TRAK1: variants seen among roughly 807,000 people sequenced by gnomAD.
TRAK1 encodes the protein trafficking kinesin-binding protein 1.
A neutral mutation model predicts 92.1 loss-of-function variants in TRAK1; 33 were observed. The ratio of observed to expected loss-of-function variants is 0.36; its 90% CI spans 0.27 to 0.48. TRAK1 has a LOEUF of 0.48. Among genes scored for constraint, TRAK1 ranks in the 20% least tolerant of loss-of-function variants. The probability of loss-of-function intolerance (pLI) is 0.99; values close to 1 mark genes in which losing one functional copy is unlikely to be tolerated. For missense variants in TRAK1, 1,123 were observed against 1,257.9 expected (o/e 0.89, Z 1.62); for synonymous variants, 521 against 517.3 (o/e 1.01, Z -0.10).
At chr3:42,135,590 A>T (rs1225115518) in intron 2 of TRAK1, among the ~76,000 whole-genome samples, 1 of 152,178 alleles carries the variant, frequency 6.6e-6, no homozygotes, top group Non-Finnish European at 1.5e-5. Context: ...AACCAAAAAA[A>T]CATGAAAAGT....
At chr3:42,187,918 T>C in intron 4 of TRAK1, 127 bp from the exon 5 acceptor site, 1 of 773,198 alleles carries the variant, frequency 1.3e-6, no homozygotes, top group Admixed American at 1.9e-5. Flanking sequence ...TCAGTTTAAA[T>C]GCTTTCACTT....
At chr3:42,022,068 A>G (rs1014965042) in intron 1 of TRAK1, among the ~76,000 whole-genome samples, 1 of 152,204 alleles carries the variant, frequency 6.6e-6, no homozygotes, top group Non-Finnish European at 1.5e-5. Flanking sequence ...TGACAGTAAC[A>G]GGAATAGCCC....
chr3:42,146,523 C>A (rs1289542210), intron 2 of TRAK1, among the ~76,000 whole-genome samples: 1 of 152,106 alleles, frequency 6.6e-6, no homozygotes, highest in Non-Finnish European at 1.5e-5. Context: ...TCATGTGATG[C>A]TTTGAGGAGT....
At chr3:42,217,538 C>T in intron 14 of TRAK1, 3 of 985,302 alleles carry the variant, frequency 3.0e-6, no homozygotes, top group Non-Finnish European at 3.6e-6. Context: ...ATTGAAGATC[C>T]AATATGTAAG....
chr3:42,224,853 C>T lies in TRAK1; in HGVS notation c.*1116C>T, dbSNP rs1246947332. On this transcript the variant is annotated 3_prime_UTR_variant, in exon 16 of 16. Coordinates refer to ENST00000327628, the MANE Select transcript of TRAK1 (RefSeq NM_001042646.3). ...CCGAGGCTGGCCAGGGTGCTGTCACCATGCGGTCTTTGATTGCAGCCATTC... is the reference window on the plus strand; with the variant it reads ...CCGAGGCTGGCCAGGGTGCTGTCACTATGCGGTCTTTGATTGCAGCCATTC... The T allele has an allele frequency of 1.3e-5, 2 of 152,224 alleles. No individual in the cohort carries two copies. The highest frequency in any genetic ancestry group is 2.4e-5 in the African/African-American group (1 of 41,440). The allele number at this position is 152,224 out of a possible 1,614,324, so 9.4% of individuals were successfully genotyped here.
At chr3:42,153,225 G>A (rs546780708) in intron 2 of TRAK1, among the ~76,000 whole-genome samples, 15 of 152,014 alleles carry the variant, frequency 9.9e-5, no homozygotes, top group Non-Finnish European at 2.2e-4. Context: ...GTAACATGGT[G>A]ACATCCTGTC....
chr3:42,085,565 C>G (rs1211143087), upstream of TRAK1, among the ~76,000 whole-genome samples: 4 of 152,196 alleles, frequency 2.6e-5, no homozygotes, highest in African/African-American at 9.7e-5. Flanking sequence ...GGTAAATAAA[C>G]CTGTTGGGAA....
Position 42,195,048 on chromosome 3 carries a change from C to T in TRAK1, c.1113+107C>T, listed in dbSNP as rs994305186. 5.1e-6 allele frequency: 7 copies of T among 1,382,522 alleles called. No homozygotes were observed. The East Asian group carries it at 7.5e-5, about 15-fold the overall frequency. 85.6% of individuals were successfully genotyped at this position (1,382,522 alleles called of 1,614,324 possible). A position where few individuals can be genotyped will look rare whatever the true frequency, so the allele number is the denominator to read the frequency against. On this transcript the variant is annotated intron_variant, in intron 10 of 15. Coordinates refer to ENST00000327628, the MANE Select transcript of TRAK1 (RefSeq NM_001042646.3). ...AGTTGGGTGTTCACAGTTCGCTTCT[C>T]GTTGTACAGTTCAGATCTGAGTCTG... is the stretch of plus-strand genomic sequence containing the variant.
intron 2 of TRAK1, among the ~76,000 whole-genome samples, chr3:42,131,907 A>T (rs1054909682): frequency 1.7e-4 from 7 of 40,848 alleles, no homozygotes; most frequent in East Asian, 6.4e-4. Flanking sequence ...AAAATTAAAA[A>T]AAAAAAAAAA....
At chr3:42,030,480 C>T (rs931319854) in intron 1 of TRAK1, among the ~76,000 whole-genome samples, 2 of 150,166 alleles carry the variant, frequency 1.3e-5, no homozygotes, top group African/African-American at 4.9e-5. Flanking sequence ...CAAGACCAGC[C>T]TGCCCAACGT....
chr3:42,052,908 C>T (rs1175877617), intron 1 of TRAK1, among the ~76,000 whole-genome samples: 2 of 152,082 alleles, frequency 1.3e-5, no homozygotes, highest in African/African-American at 4.8e-5. Context: ...GCGTAGTCCC[C>T]GAAGAAGTCA....
chr3:42,074,369 C>T (rs1338582224), intron 1 of TRAK1, among the ~76,000 whole-genome samples: 1 of 152,192 alleles, frequency 6.6e-6, no homozygotes. Context: ...GGTCTCATCA[C>T]CTTCTACGCA....
At chr3:42,157,701 C>T (rs1700729108) in intron 2 of TRAK1, among the ~76,000 whole-genome samples, 1 of 152,044 alleles carries the variant, frequency 6.6e-6, no homozygotes, top group Non-Finnish European at 1.5e-5. Context: ...AATATGAAGA[C>T]TCAGAAATTG....
Position 42,128,594 on chromosome 3 carries a change from A to C in TRAK1, c.286+2980A>C, listed in dbSNP as rs76758802. Among the ~76,000 whole-genome samples, 910 of 152,316 alleles carry C rather than the reference A, an allele frequency of 6.0e-3. 32 individuals are homozygous for C. In the East Asian group the frequency reaches 0.11, roughly 18 times the overall value. On this transcript the variant is annotated intron_variant, in intron 2 of 15. Transcript: ENST00000327628. Reference sequence around the variant, plus strand: ...TCCATGCACTTAAAAAGGAGCAAAAAAATTACTTTTATTTTTATTAACTTC... The same window carrying C: ...TCCATGCACTTAAAAAGGAGCAAAACAATTACTTTTATTTTTATTAACTTC...
At chr3:42,021,548 C>T (rs1009363270) in intron 1 of TRAK1, among the ~76,000 whole-genome samples, 4 of 152,134 alleles carry the variant, frequency 2.6e-5, no homozygotes, top group Non-Finnish European at 2.9e-5. Context: ...CAGGCAGCTT[C>T]GGAATCATTA....
chr3:42,059,200 A>G (rs1703326968), intron 1 of TRAK1, among the ~76,000 whole-genome samples: 1 of 151,752 alleles, frequency 6.6e-6, no homozygotes, highest in African/African-American at 2.4e-5. Context: ...GCTCAAGTGA[A>G]TCTCCCCCTC....
At chr3:42,158,571 C>CT (rs10522929) in intron 2 of TRAK1, among the ~76,000 whole-genome samples, 252 of 147,370 alleles carry the variant, frequency 1.7e-3, no homozygotes, top group Middle Eastern at 3.5e-3. Context: ...ATTTCTACAC[C>CT]TTTTTTTTTT....
chr3:42,187,450 G>C lies in TRAK1; in HGVS notation c.481-595G>C, dbSNP rs1177644009. Among the ~76,000 whole-genome samples the C allele has an allele frequency of 2.0e-5, 3 of 152,128 alleles. No homozygotes were observed. The South Asian group carries it at 6.2e-4, about 31-fold the overall frequency. On this transcript the variant is annotated intron_variant, in intron 4 of 15. Coordinates refer to ENST00000327628, the MANE Select transcript of TRAK1 (RefSeq NM_001042646.3). ...CTATTTCCAAAGCCCCTGAATAGTTGCATCCCCACAAGCATCATTCTTTTT... is the reference window on the plus strand; with the variant it reads ...CTATTTCCAAAGCCCCTGAATAGTTCCATCCCCACAAGCATCATTCTTTTT...
At chr3:42,038,193 C>A (rs78704759) in intron 1 of TRAK1, among the ~76,000 whole-genome samples, 1 of 152,172 alleles carries the variant, frequency 6.6e-6, no homozygotes, top group Non-Finnish European at 1.5e-5. Flanking sequence ...GGGTCAGAGA[C>A]GTCCCAGAAG....
Sources: gnomAD v4.1 joint callset for allele counts (sites outside exome capture counted in the v4.1 genomes callset) on GRCh38, gnomAD v4.1.1 for gene constraint, MANE v1.5 for transcripts, NCBI Gene and HGNC (gene_info 2026-07-23, HGNC 2026-07-21) for gene names.